STARD9: variants seen among roughly 807,000 people sequenced by gnomAD.
STARD9 encodes the protein StAR related lipid transfer domain containing 9, also known as stAR-related lipid transfer protein 9.
Under a neutral mutation model 399.8 loss-of-function variants are expected in STARD9, and 346 were observed. That is an observed-to-expected ratio of 0.87 (90% CI 0.79 to 0.95). STARD9 has a LOEUF of 0.95. STARD9 is among the 40% of genes least tolerant of loss of function. The pLI is 0.00. For missense variants in STARD9, 5,832 were observed against 5,667.5 expected, an observed-to-expected ratio of 1.03 and a Z score of -0.93; for synonymous variants, 2,203 against 2,143.5, an observed-to-expected ratio of 1.03 and a Z score of -0.77.
intron 3 of STARD9, among the ~76,000 whole-genome samples, chr15:42,626,919 C>T (rs1025440327): frequency 4.0e-5 from 6 of 151,502 alleles, no homozygotes; most frequent in Non-Finnish European, 5.9e-5. Flanking sequence ...GGTGTGATGT[C>T]GGCTCACTGC....
chr15:42,613,758 A>T (rs751726126), intron 3 of STARD9, among the ~76,000 whole-genome samples: 5 of 151,674 alleles, frequency 3.3e-5, no homozygotes, highest in Admixed American at 2.0e-4. Flanking sequence ...TGAGGTCAGG[A>T]GTTTGAGACC....
intron 9 of STARD9, among the ~76,000 whole-genome samples, chr15:42,655,549 A>G (rs2059850318): frequency 1.3e-5 from 2 of 152,234 alleles, no homozygotes; most frequent in African/African-American, 2.4e-5. Context: ...AGAGAATGAC[A>G]CTGGATCCTC....
chr15:42,583,965 C>T (rs2058224349), intron 2 of STARD9, among the ~76,000 whole-genome samples: 1 of 152,074 alleles, frequency 6.6e-6, no homozygotes, highest in Non-Finnish European at 1.5e-5. Flanking sequence ...AACTTAGAGT[C>T]ATAATTGGAC....
chr15:42,644,349 C>T lies in STARD9; in HGVS notation c.559+5537C>T, dbSNP rs755438104. Among the ~76,000 whole-genome samples the T allele has an allele frequency of 1.8e-4, 27 of 152,008 alleles. No individual in the cohort carries two copies. The Middle Eastern group carries it at 0.014, about 77-fold the overall frequency. ...TCTACTGAAAATACAAAAAATTAGC[C>T]GGGTGTGGTGGCGGGCACCTGTAGT... On this transcript the variant is annotated intron_variant, in intron 7 of 32. Transcript: ENST00000290607.
Position 42,638,051 on chromosome 15 carries a change from G to T in STARD9, c.410G>T (p.Cys137Phe), listed in dbSNP as rs1402600715. Residue 137 changes from cysteine to phenylalanine, a missense_variant, in exon 6 of 33, where the codon TGT becomes TTT. Physicochemically the swap from Cys to Phe is radical, Grantham distance 205 (BLOSUM62 -2). This residue lies in a region of STARD9 where 5,828 missense variants were observed against 5,651.1 expected (regional missense o/e 1.03). Transcript: ENST00000290607. Reference protein sequence around the residue: ...CEGLFVREKDCASLPSSCRIK... With the variant: ...CEGLFVREKDFASLPSSCRIK... ...GGTCTCTTCGTCAGGGAGAAAGACT[G>T]TGCCTCACTGCCTTCCTCCTGTAGG... 6.5e-7 allele frequency: 1 copy of T among 1,537,174 alleles called. No individual in the cohort carries two copies. The highest frequency in any genetic ancestry group is 1.4e-5 in the African/African-American group (1 of 73,006).
intron 18 of STARD9, 162 bp from the exon 19 acceptor site, chr15:42,675,502 G>T: frequency 1.7e-6 from 1 of 605,760 alleles, no homozygotes. Flanking sequence ...ATTAATTCAA[G>T]ATGTATGCTG....
chr15:42,682,493 C>T lies in STARD9; in HGVS notation c.2455C>T (p.Pro819Ser). 2.6e-6 allele frequency: 4 copies of T among 1,537,222 alleles called. No homozygotes were observed. Among genetic ancestry groups the T allele is most frequent in the Non-Finnish European group, 3.5e-6 (4 of 1,146,892 alleles). Reference protein sequence around the residue: ...VLSPDATVPRPPCRSKLTSCS... With the variant: ...VLSPDATVPRSPCRSKLTSCS... ...CAGCCCTGATGCCACAGTCCCACGGCCTCCATGTAGAAGCAAATTGACGAG... is the reference window on the plus strand; with the variant it reads ...CAGCCCTGATGCCACAGTCCCACGGTCTCCATGTAGAAGCAAATTGACGAG... Residue 819 changes from proline (P) to serine (S), a missense_variant, in exon 22 of 33, where the codon CCT becomes TCT. Around this residue, in one of 2 missense-constraint regions of STARD9, gnomAD observed 5,828 missense variants for 5,651.1 expected, o/e 1.03. Coordinates refer to ENST00000290607, the MANE Select transcript of STARD9 (RefSeq NM_020759.3).
chr15:42,662,024 A>T (rs1021819187), intron 10 of STARD9, among the ~76,000 whole-genome samples: 1 of 152,074 alleles, frequency 6.6e-6, no homozygotes, highest in African/African-American at 2.4e-5. Context: ...TGTGGTGCAC[A>T]TCTGTAGTCC....
chr15:42,582,445 T>G (rs976010699), intron 1 of STARD9, among the ~76,000 whole-genome samples: 1 of 152,206 alleles, frequency 6.6e-6, no homozygotes, highest in African/African-American at 2.4e-5. Flanking sequence ...ATTAAGCCCA[T>G]TAAAGTGAGT....
Position 42,693,045 on chromosome 15 carries a change from A to G in STARD9, c.11467A>G (p.Lys3823Glu), listed in dbSNP as rs1214119344. 1 of 1,537,108 alleles carries G rather than the reference A, an allele frequency of 6.5e-7. No individual in the cohort carries two copies. Among genetic ancestry groups the G allele is most frequent in the South Asian group, 1.2e-5 (1 of 84,054 alleles). ...SIPSSHLRFQ[K>E]APVGQHLPSV... Reference sequence around the variant, plus strand: ...ACCCTCATCCCACTTGAGGTTTCAGAAAGCCCCCGTTGGGCAGCATCTTCC... The same window carrying G: ...ACCCTCATCCCACTTGAGGTTTCAGGAAGCCCCCGTTGGGCAGCATCTTCC... Residue 3823 changes from lysine (K) to glutamate (E), a missense_variant, in exon 23 of 33, where the codon AAA becomes GAA. Lys to Glu is a moderately conservative substitution (Grantham distance 56). Transcript: ENST00000290607.
chr15:42,702,920 A>G (rs1167011562), intron 26 of STARD9, among the ~76,000 whole-genome samples: 1 of 151,918 alleles, frequency 6.6e-6, no homozygotes, highest in African/African-American at 2.4e-5. Context: ...GAGCTCCTTT[A>G]CTTGTTATTT....
At position 42,693,302 on chromosome 15, in the gene STARD9, C is replaced by T. The variant is rs1020148571; in HGVS notation, c.11724C>T (p.Thr3908=). ...SSPILTLSAS[T]QEPGLSPGSL... ...CAATCCTCACTCTTAGTGCCAGCACCCAAGAGCCGGGTCTTTCCCCAGGCT... is the reference window on the plus strand; with the variant it reads ...CAATCCTCACTCTTAGTGCCAGCACTCAAGAGCCGGGTCTTTCCCCAGGCT... Residue 3908 remains threonine, a synonymous_variant, in exon 23 of 33, where the codon ACC becomes ACT. Transcript: ENST00000290607. 2 of 1,537,128 alleles carry T rather than the reference C, an allele frequency of 1.3e-6. No individual in the cohort carries two copies. The highest frequency in any genetic ancestry group is 8.7e-7 in the Non-Finnish European group (1 of 1,146,898).
intron 26 of STARD9, among the ~76,000 whole-genome samples, chr15:42,708,209 A>G (rs1403656018): frequency 6.6e-6 from 1 of 152,198 alleles, no homozygotes; most frequent in African/African-American, 2.4e-5. Context: ...TAATCCTTTT[A>G]AATTGACAAG....
chr15:42,624,860 A>G (rs2059167643), intron 3 of STARD9, among the ~76,000 whole-genome samples: 1 of 152,184 alleles, frequency 6.6e-6, no homozygotes, highest in Non-Finnish European at 1.5e-5. Flanking sequence ...TGAATACACA[A>G]ATACTGACTT....
chr15:42,691,066 G>A lies in STARD9; in HGVS notation c.9488G>A (p.Cys3163Tyr). ...TTGGTGGTAGAGCCACAGCATGAAT[G>A]TTTAGAAAATACCACTAGATGTTTT... The part of the protein sequence containing the change: ...SKLVVEPQHE[C>Y]LENTTRCFLE... The change falls in exon 23 of 33, where the codon TGT (cysteine) becomes TAT (tyrosine). Residue 3163 changes from cysteine to tyrosine, a missense_variant. Cys to Tyr is a radical substitution (Grantham distance 194). Transcript: ENST00000290607. The A allele has an allele frequency of 6.5e-7, 1 of 1,537,190 alleles. No homozygotes were observed. Among genetic ancestry groups the A allele is most frequent in the Non-Finnish European group, 8.7e-7 (1 of 1,146,886 alleles).
intron 26 of STARD9, among the ~76,000 whole-genome samples, chr15:42,712,023 C>A (rs1469390346): frequency 9.0e-6 from 1 of 111,690 alleles, no homozygotes; most frequent in African/African-American, 3.6e-5. Flanking sequence ...TATGTGGCTT[C>A]AGTTCCATTG....
intron 9 of STARD9, 137 bp from the exon 10 acceptor site, chr15:42,661,021 G>A (rs2059984066): frequency 3.3e-6 from 2 of 612,682 alleles, no homozygotes; most frequent in Non-Finnish European, 2.9e-6. Context: ...AGCTCACCTG[G>A]TTTACATCAC....
At chr15:42,628,344 G>T (rs984846713) in intron 3 of STARD9, among the ~76,000 whole-genome samples, 1 of 152,052 alleles carries the variant, frequency 6.6e-6, no homozygotes, top group Non-Finnish European at 1.5e-5. Flanking sequence ...TTGTCAGATG[G>T]ATAGTTTGCA....
At position 42,710,969 on chromosome 15, in the gene STARD9, C is replaced by CT. The variant is rs1170742160; in HGVS notation, c.13285-5696dup. Among the ~76,000 whole-genome samples the CT allele has an allele frequency of 5.7e-4, 82 of 144,476 alleles. No individual in the cohort carries two copies. In the East Asian group the frequency reaches 6.2e-3, roughly 11 times the overall value. The allele number at this position is 144,476 out of a possible 152,430, so 94.8% of individuals were successfully genotyped here. A position where few individuals can be genotyped will look rare whatever the true frequency, so the allele number is the denominator to read the frequency against. Reference sequence around the variant, plus strand: ...TGTCCCCGTGTTTTCACATAGCCTTCTTTTTTTTTTTTAATTTAACTTTTT... The same window carrying CT: ...TGTCCCCGTGTTTTCACATAGCCTTCTTTTTTTTTTTTTAATTTAACTTTTT... On this transcript the variant is annotated intron_variant, in intron 26 of 32. Coordinates refer to ENST00000290607, the MANE Select transcript of STARD9 (RefSeq NM_020759.3).
Sources: gnomAD v4.1 joint callset for allele counts (sites outside exome capture counted in the v4.1 genomes callset) on GRCh38, gnomAD v4.1.1 for gene constraint, gnomAD v4.1.1 regional missense constraint, MANE v1.5 for transcripts, NCBI Gene and HGNC (gene_info 2026-07-23, HGNC 2026-07-21) for gene names.